The following LSAMP variants were observed in gnomAD, a reference collection of about 807,000 sequenced individuals.
The protein encoded by LSAMP is limbic system-associated membrane protein.
LSAMP carries 7 observed loss-of-function variants against 38.6 expected under a neutral mutation model. The ratio of observed to expected loss-of-function variants is 0.18; its 90% CI spans 0.10 to 0.34. The LOEUF (loss-of-function observed/expected upper bound fraction) is 0.34, where lower values mean the gene tolerates loss of function less well. Among genes scored for constraint, LSAMP ranks in the 10% least tolerant of loss-of-function variants. The pLI, the probability that LSAMP is intolerant of heterozygous loss-of-function variation, is 1.00. For synonymous variants in LSAMP, 154 were observed against 166.8 expected (o/e 0.92, Z 0.59); for missense variants, 313 against 420.0 (o/e 0.75, Z 2.23).
intron 3 of LSAMP, among the ~76,000 whole-genome samples, chr3:115,918,964 A>C (rs967744191): frequency 1.3e-5 from 2 of 152,174 alleles, no homozygotes; most frequent in Non-Finnish European, 1.5e-5. Flanking sequence ...GCATAGGGAA[A>C]ACTCAGACCT....
At chr3:115,998,175 T>G (rs1280363627) in intron 3 of LSAMP, among the ~76,000 whole-genome samples, 1 of 151,282 alleles carries the variant, frequency 6.6e-6, no homozygotes, top group Admixed American at 6.6e-5. Flanking sequence ...GGGAGAAAGA[T>G]AGGAGGGTGG....
chr3:116,148,351 C>T (rs1028597838), intron 1 of LSAMP, among the ~76,000 whole-genome samples: 2 of 151,938 alleles, frequency 1.3e-5, no homozygotes, highest in Non-Finnish European at 2.9e-5. Flanking sequence ...CTCCTGCTCA[C>T]CTCCTCTAGA....
At chr3:116,122,625 C>T (rs1324496267) in intron 1 of LSAMP, among the ~76,000 whole-genome samples, 1 of 152,078 alleles carries the variant, frequency 6.6e-6, no homozygotes, top group Non-Finnish European at 1.5e-5. Flanking sequence ...TTTTGCATTA[C>T]CATTACTTAG....
chr3:116,262,215 T>C (rs1448029197), intron 1 of LSAMP, among the ~76,000 whole-genome samples: 3 of 152,212 alleles, frequency 2.0e-5, no homozygotes, highest in Non-Finnish European at 2.9e-5. Flanking sequence ...CCATTCCCTA[T>C]GTGAATGAAG....
chr3:115,971,790 A>G (rs1939027606), intron 3 of LSAMP, among the ~76,000 whole-genome samples: 1 of 152,166 alleles, frequency 6.6e-6, no homozygotes, highest in South Asian at 2.1e-4. Context: ...AATGTTTCAC[A>G]TCAGTAGAGG....
At chr3:115,869,743 C>T (rs1337644721) in intron 3 of LSAMP, among the ~76,000 whole-genome samples, 2 of 152,054 alleles carry the variant, frequency 1.3e-5, no homozygotes, top group Non-Finnish European at 2.9e-5. Context: ...TTTTCTATGT[C>T]TGGTGAATCA....
chr3:116,333,590 A>G (rs760857050), intron 1 of LSAMP, among the ~76,000 whole-genome samples: 3 of 151,954 alleles, frequency 2.0e-5, no homozygotes, highest in African/African-American at 4.8e-5. Flanking sequence ...AAATAGATTG[A>G]AGTCAGAAAT....
At chr3:116,223,539 T>C (rs2046312357) in intron 1 of LSAMP, among the ~76,000 whole-genome samples, 1 of 152,192 alleles carries the variant, frequency 6.6e-6, no homozygotes. Flanking sequence ...ATTGAGACTA[T>C]CATTTTAAGT....
chr3:115,869,951 A>G (rs1935980006), intron 3 of LSAMP, among the ~76,000 whole-genome samples: 2 of 152,094 alleles, frequency 1.3e-5, no homozygotes, highest in South Asian at 2.1e-4. Context: ...TTGGCAAGCT[A>G]TGTCCCATGA....
At position 116,151,151 on chromosome 3, in the gene LSAMP, A is replaced by G. The variant is rs533425125; in HGVS notation, c.156-64595T>C. Among the ~76,000 whole-genome samples, 5 of 152,192 alleles carry G rather than the reference A, an allele frequency of 3.3e-5. No homozygotes were observed. The East Asian group carries it at 9.7e-4, about 30-fold the overall frequency. ...TTAAGCAAAGATAAACCCCTAGGAT[A>G]CACAGCAGAAATTCAGTCATTGGTA... is the stretch of plus-strand genomic sequence containing the variant. On this transcript the variant is annotated intron_variant, in intron 1 of 6. Transcript: ENST00000490035.
intron 3 of LSAMP, among the ~76,000 whole-genome samples, chr3:115,890,517 G>A (rs1040758822): frequency 3.9e-5 from 6 of 151,900 alleles, no homozygotes; most frequent in Admixed American, 3.3e-4. Flanking sequence ...AGAATAAGAT[G>A]TTCTCACAGC....
chr3:115,842,860 C>G (rs1314065274), intron 4 of LSAMP, among the ~76,000 whole-genome samples: 3 of 152,162 alleles, frequency 2.0e-5, no homozygotes, highest in Non-Finnish European at 4.4e-5. Flanking sequence ...ATCCCTCCTC[C>G]AGTAGGTCAT....
At chr3:116,271,079 T>A (rs1233030259) in intron 1 of LSAMP, among the ~76,000 whole-genome samples, 1 of 152,042 alleles carries the variant, frequency 6.6e-6, no homozygotes, top group Non-Finnish European at 1.5e-5. Context: ...CATTAGATAA[T>A]GATGTTGCCA....
intron 3 of LSAMP, among the ~76,000 whole-genome samples, chr3:116,011,600 C>A (rs1033595379): frequency 6.6e-6 from 1 of 151,924 alleles, no homozygotes; most frequent in Non-Finnish European, 1.5e-5. Context: ...CATTTCCATA[C>A]TTAGAAATAG....
chr3:116,435,129 G>A (rs1436416892), intron 1 of LSAMP, among the ~76,000 whole-genome samples: 5 of 152,184 alleles, frequency 3.3e-5, no homozygotes, highest in Admixed American at 2.6e-4. Context: ...TACAGTAAGA[G>A]TTTTAAAAGA....
chr3:116,047,989 C>T lies in LSAMP; in HGVS notation c.389-28349G>A, dbSNP rs188652552. Reference sequence around the variant, plus strand: ...TTGTTTGCATTTCTGTTCTTCCCTCCTTGGCATCCATGCACCTTTACCGTT... The same window carrying T: ...TTGTTTGCATTTCTGTTCTTCCCTCTTTGGCATCCATGCACCTTTACCGTT... On this transcript the variant is annotated intron_variant, in intron 2 of 6. Coordinates refer to ENST00000490035, the MANE Select transcript of LSAMP (RefSeq NM_002338.5). 4.3e-4 allele frequency among the ~76,000 whole-genome samples: 65 copies of T among 152,296 alleles called. 1 individual carries two copies. The highest frequency in any genetic ancestry group is 1.4e-3 in the African/African-American group (60 of 41,558).
intron 3 of LSAMP, among the ~76,000 whole-genome samples, chr3:115,871,805 A>T (rs1936047835): frequency 6.6e-6 from 1 of 152,160 alleles, no homozygotes; most frequent in Admixed American, 6.6e-5. Flanking sequence ...CAGGAATACC[A>T]TCTGAGTTAT....
At chr3:115,959,753 C>T (rs1938565964) in intron 3 of LSAMP, among the ~76,000 whole-genome samples, 1 of 152,180 alleles carries the variant, frequency 6.6e-6, no homozygotes, top group African/African-American at 2.4e-5. Context: ...ACTAAACACT[C>T]ACTAAAAGGT....
chr3:116,144,961 C>A (rs1178106893), intron 1 of LSAMP, among the ~76,000 whole-genome samples: 1 of 151,800 alleles, frequency 6.6e-6, no homozygotes, highest in Non-Finnish European at 1.5e-5. Context: ...TGAAGATAAT[C>A]CTCCACTGTC....
Sources: gnomAD v4.1 joint callset for allele counts (sites outside exome capture counted in the v4.1 genomes callset) on GRCh38, gnomAD v4.1.1 for gene constraint, MANE v1.5 for transcripts, NCBI Gene and HGNC (gene_info 2026-07-23, HGNC 2026-07-21) for gene names.